The following KAZN variants were observed in gnomAD, a reference collection of about 807,000 sequenced individuals.
The protein encoded by KAZN is kazrin, periplakin interacting protein.
A neutral mutation model predicts 87.4 loss-of-function variants in KAZN; 40 were observed. The observed-to-expected ratio is 0.46, with a 90% confidence interval of 0.36 to 0.60. The LOEUF (loss-of-function observed/expected upper bound fraction) is 0.60, where lower values mean the gene tolerates loss of function less well. Among genes scored for constraint, KAZN ranks in the 20% least tolerant of loss-of-function variants. The pLI is 0.00. For missense variants in KAZN, 898 were observed against 1,073.9 expected (o/e 0.84, Z 2.29); for synonymous variants, 466 against 458.3 (o/e 1.02, Z -0.22).
At chr1:15,107,848 T>C (rs1641350072) in intron 13 of KAZN, among the ~76,000 whole-genome samples, 1 of 152,164 alleles carries the variant, frequency 6.6e-6, no homozygotes, top group East Asian at 1.9e-4. Context: ...TTTCTTCCTC[T>C]GTAATAGGGG....
At chr1:14,720,133 G>A (rs78626401) in intron 1 of KAZN, among the ~76,000 whole-genome samples, 2,894 of 152,282 alleles carry the variant, frequency 0.019, 103 homozygotes, top group African/African-American at 0.065. Context: ...CTGGGATTCC[G>A]GAGCTTGTGC....
At chr1:14,774,919 A>G (rs942934136) in intron 1 of KAZN, among the ~76,000 whole-genome samples, 1 of 152,196 alleles carries the variant, frequency 6.6e-6, no homozygotes, top group East Asian at 1.9e-4. Flanking sequence ...CGTTCACCTT[A>G]CGGTATCGAT....
intron 2 of KAZN, among the ~76,000 whole-genome samples, chr1:14,372,649 C>T (rs1660586746): frequency 1.3e-5 from 2 of 152,226 alleles, no homozygotes; most frequent in African/African-American, 4.8e-5. Context: ...AATATTCAGT[C>T]AGCATCCCTT....
intron 1 of KAZN, among the ~76,000 whole-genome samples, chr1:13,994,490 C>T (rs1639420903): frequency 6.6e-6 from 1 of 152,168 alleles, no homozygotes; most frequent in Non-Finnish European, 1.5e-5. Context: ...AAATGAGTTG[C>T]TGAAGTTTGT....
At position 14,504,319 on chromosome 1, in the gene KAZN, G is replaced by A. The variant is rs1250781490; in HGVS notation, c.250-94664G>A. 3.9e-5 allele frequency among the ~76,000 whole-genome samples: 6 copies of A among 152,116 alleles called. No individual in the cohort carries two copies. The East Asian group carries it at 5.8e-4, about 15-fold the overall frequency. On this transcript the variant is annotated intron_variant, in intron 2 of 16. Coordinates refer to the KAZN transcript ENST00000636203. The stretch of plus-strand genomic sequence containing the variant: ...TTAAAGCTGGGGGAGAGAGAAATTC[G>A]AAGAAAGCCGATGGTCTTGAGTTAA...
intron 1 of KAZN, among the ~76,000 whole-genome samples, chr1:14,634,647 G>A (rs556318610): frequency 1.3e-5 from 2 of 152,202 alleles, no homozygotes. Flanking sequence ...TCCTGTTTAT[G>A]TGGCTCCTGG....
chr1:14,994,808 C>A (rs1036598871), intron 2 of KAZN, among the ~76,000 whole-genome samples: 8 of 152,238 alleles, frequency 5.3e-5, no homozygotes, highest in Admixed American at 2.0e-4. Context: ...TGGGGATAAT[C>A]AAACCTGCCT....
chr1:14,924,465 C>T, intron 1 of KAZN: 1 of 990,862 alleles, frequency 1.0e-6, no homozygotes. Flanking sequence ...CCCGCGCGGC[C>T]CCCGGGACCC....
chr1:14,748,870 C>A (rs1401256802), intron 1 of KAZN, among the ~76,000 whole-genome samples: 1 of 152,064 alleles, frequency 6.6e-6, no homozygotes, highest in Non-Finnish European at 1.5e-5. Context: ...CTGACCTGAC[C>A]CCTTACTTCA....
At chr1:14,179,515 T>C (rs11802236) in intron 1 of KAZN, among the ~76,000 whole-genome samples, 7,161 of 152,252 alleles carry the variant, frequency 0.047, 532 homozygotes, top group African/African-American at 0.16. Context: ...GTCTTCAAAG[T>C]CCCTCTATTG....
chr1:14,640,302 C>A (rs1309033724), intron 1 of KAZN, among the ~76,000 whole-genome samples: 3 of 152,088 alleles, frequency 2.0e-5, no homozygotes, highest in Non-Finnish European at 4.4e-5. Context: ...GATTCCATTG[C>A]AGGTGGAATA....
At position 14,447,383 on chromosome 1, in the gene KAZN, C is replaced by T. The variant is rs914005449; in HGVS notation, c.250-151600C>T. On this transcript the variant is annotated intron_variant, in intron 2 of 16. Coordinates refer to the KAZN transcript ENST00000636203. ...CCTCCCGAGTAGCTGGGACTACAGGCGCCTGCCACCACACCGGGCTAATTT... is the reference window on the plus strand; with the variant it reads ...CCTCCCGAGTAGCTGGGACTACAGGTGCCTGCCACCACACCGGGCTAATTT... Among the ~76,000 whole-genome samples the T allele has an allele frequency of 5.9e-5, 9 of 151,780 alleles. No individual in the cohort carries two copies. The South Asian group carries it at 6.3e-4, about 11-fold the overall frequency.
chr1:14,255,216 G>A (rs886780397), intron 2 of KAZN, among the ~76,000 whole-genome samples: 1 of 151,802 alleles, frequency 6.6e-6, no homozygotes, highest in East Asian at 1.9e-4. Context: ...TGGGGGGCGG[G>A]TTGCCACACT....
chr1:14,554,663 G>A (rs1400278644), intron 2 of KAZN, among the ~76,000 whole-genome samples: 4 of 152,110 alleles, frequency 2.6e-5, no homozygotes, highest in African/African-American at 7.2e-5. Context: ...ATATTAATCC[G>A]GTACTTGACA....
intron 1 of KAZN, among the ~76,000 whole-genome samples, chr1:14,682,778 C>T (rs1640748655): frequency 6.6e-6 from 1 of 152,138 alleles, no homozygotes; most frequent in South Asian, 2.1e-4. Context: ...ATGCTCATGA[C>T]ACTCTAGACC....
chr1:13,983,065 A>T (rs2101084674), intron 1 of KAZN, among the ~76,000 whole-genome samples: 1 of 152,378 alleles, frequency 6.6e-6, no homozygotes, highest in East Asian at 1.9e-4. Flanking sequence ...AAGGTTCTCC[A>T]AGGCCCCACC....
At chr1:14,637,153 G>T (rs540159644) in intron 1 of KAZN, among the ~76,000 whole-genome samples, 1 of 152,214 alleles carries the variant, frequency 6.6e-6, no homozygotes, top group East Asian at 1.9e-4. Flanking sequence ...TGGGAGGTGC[G>T]CAGTGAAAAT....
intron 2 of KAZN, among the ~76,000 whole-genome samples, chr1:14,535,590 A>G (rs1230500576): frequency 1.3e-5 from 2 of 152,006 alleles, no homozygotes; most frequent in Admixed American, 6.6e-5. Context: ...CGCTTGAACC[A>G]GGGAATAGGG....
At chr1:14,693,327 A>G (rs1262789818) in intron 1 of KAZN, among the ~76,000 whole-genome samples, 1 of 152,182 alleles carries the variant, frequency 6.6e-6, no homozygotes, top group Non-Finnish European at 1.5e-5. Flanking sequence ...AATTAATTGT[A>G]TCTTCCCACC....
Sources: allele counts gnomAD v4.1 joint callset (sites outside exome capture counted in the v4.1 genomes callset), GRCh38; gene constraint gnomAD v4.1.1; transcripts MANE v1.5; gene names NCBI Gene and HGNC (gene_info 2026-07-23, HGNC 2026-07-21).